The following OPCML variants were observed in gnomAD, a reference collection of about 807,000 sequenced individuals.
OPCML encodes the protein opioid binding protein/cell adhesion molecule like, also known as opioid-binding protein/cell adhesion molecule.
OPCML carries 13 observed loss-of-function variants against 37.8 expected under a neutral mutation model. That is an observed-to-expected ratio of 0.34 (90% CI 0.22 to 0.55). OPCML has a LOEUF of 0.55. Ranked by LOEUF, OPCML falls within the 20% of genes least tolerant of loss-of-function variation. OPCML has a pLI of 0.91. For missense variants in OPCML, 341 were observed against 435.6 expected (o/e 0.78, Z 1.93); for synonymous variants, 176 against 168.8 (o/e 1.04, Z -0.33).
At chr11:133,207,278 C>A (rs1012808366) in intron 1 of OPCML, among the ~76,000 whole-genome samples, 1 of 151,976 alleles carries the variant, frequency 6.6e-6, no homozygotes, top group Non-Finnish European at 1.5e-5. Context: ...CCAGCCTGGG[C>A]GACAGAGTGA....
chr11:133,150,923 C>G (rs1372119628), intron 1 of OPCML, among the ~76,000 whole-genome samples: 1 of 152,028 alleles, frequency 6.6e-6, no homozygotes, highest in Non-Finnish European at 1.5e-5. Context: ...GCCACATCCT[C>G]CCCTGCCCCG....
intron 1 of OPCML, among the ~76,000 whole-genome samples, chr11:133,287,991 C>T (rs1301546536): frequency 6.6e-6 from 1 of 152,156 alleles, no homozygotes; most frequent in African/African-American, 2.4e-5. Flanking sequence ...CTGGCTGATG[C>T]TAACTACATG....
chr11:133,138,930 T>C (rs754219996), intron 1 of OPCML, among the ~76,000 whole-genome samples: 38 of 152,328 alleles, frequency 2.5e-4, no homozygotes, highest in Non-Finnish European at 5.1e-4. Context: ...GGTCTTTCAT[T>C]GACATGAACC....
chr11:133,279,422 C>T (rs1942079628), intron 1 of OPCML, among the ~76,000 whole-genome samples: 1 of 152,192 alleles, frequency 6.6e-6, no homozygotes, highest in Admixed American at 6.5e-5. Flanking sequence ...CACAAATGGA[C>T]CTACAATCCA....
At chr11:132,867,787 C>T (rs1473341682) in intron 2 of OPCML, among the ~76,000 whole-genome samples, 1 of 152,136 alleles carries the variant, frequency 6.6e-6, no homozygotes, top group African/African-American at 2.4e-5. Flanking sequence ...AACACCTAAC[C>T]TATGTTTGAG....
At chr11:133,216,278 C>T (rs1464017994) in intron 1 of OPCML, among the ~76,000 whole-genome samples, 6 of 152,150 alleles carry the variant, frequency 3.9e-5, no homozygotes, top group Admixed American at 3.9e-4. Context: ...GTTTTATAAA[C>T]CCAAACAGAA....
At chr11:132,508,595 G>A (rs144342410) in intron 4 of OPCML, among the ~76,000 whole-genome samples, 1,956 of 152,252 alleles carry the variant, frequency 0.013, 26 homozygotes, top group South Asian at 0.036. Context: ...GGGACCCAGG[G>A]GGAGGTAATT....
chr11:133,377,743 A>G (rs1283120798), intron 1 of OPCML, among the ~76,000 whole-genome samples: 3 of 152,128 alleles, frequency 2.0e-5, no homozygotes, highest in Admixed American at 6.5e-5. Flanking sequence ...CACCTCAGGA[A>G]CACATGGTTC....
chr11:133,363,019 T>G (rs1205864218), intron 1 of OPCML, among the ~76,000 whole-genome samples: 10 of 152,114 alleles, frequency 6.6e-5, no homozygotes, highest in Non-Finnish European at 1.5e-5. Context: ...TAGGTAAGAT[T>G]CCCAGGACAC....
chr11:132,950,008 G>A (rs1310467131), intron 1 of OPCML, among the ~76,000 whole-genome samples: 25 of 152,194 alleles, frequency 1.6e-4, no homozygotes, highest in Admixed American at 1.6e-3. Context: ...GAAGGTTGGA[G>A]CTGAGCAAAC....
At chr11:133,038,158 G>A (rs1353985434) in intron 1 of OPCML, among the ~76,000 whole-genome samples, 1 of 152,234 alleles carries the variant, frequency 6.6e-6, no homozygotes, top group African/African-American at 2.4e-5. Context: ...TGCATGGGGA[G>A]AGCTCTGGGT....
intron 2 of OPCML, among the ~76,000 whole-genome samples, chr11:132,761,362 G>A (rs967517302): frequency 2.0e-5 from 3 of 151,760 alleles, no homozygotes; most frequent in Non-Finnish European, 4.4e-5. Context: ...TGTCTTGCTA[G>A]GTTGGGGAAG....
chr11:133,319,667 G>A (rs929542423), intron 1 of OPCML, among the ~76,000 whole-genome samples: 3 of 152,146 alleles, frequency 2.0e-5, no homozygotes, highest in Non-Finnish European at 4.4e-5. Context: ...CTGTAAGTCC[G>A]AGCCTGTCTA....
intron 2 of OPCML, among the ~76,000 whole-genome samples, chr11:132,856,590 G>A (rs1196202690): frequency 1.3e-5 from 2 of 152,178 alleles, no homozygotes; most frequent in East Asian, 1.9e-4. Context: ...CTCTCAGGAG[G>A]TGGACAAGCC....
At chr11:132,631,297 A>G (rs1185857009) in intron 3 of OPCML, among the ~76,000 whole-genome samples, 1 of 150,722 alleles carries the variant, frequency 6.6e-6, no homozygotes, top group Non-Finnish European at 1.5e-5. Flanking sequence ...TGCAAATTTT[A>G]TCTCAGTAAA....
At chr11:132,528,800 T>C (rs1055977739) in intron 4 of OPCML, among the ~76,000 whole-genome samples, 2 of 152,222 alleles carry the variant, frequency 1.3e-5, no homozygotes, top group African/African-American at 4.8e-5. Context: ...CATTGGAAGT[T>C]ATTCTTATGT....
At chr11:133,047,584 C>A (rs1948041314) in intron 1 of OPCML, among the ~76,000 whole-genome samples, 2 of 152,086 alleles carry the variant, frequency 1.3e-5, no homozygotes, top group South Asian at 4.1e-4. Context: ...CAGCTGAGGT[C>A]TCCCGCAGCT....
At chr11:133,345,724 A>T (rs1176736059) in intron 1 of OPCML, among the ~76,000 whole-genome samples, 1 of 152,148 alleles carries the variant, frequency 6.6e-6, no homozygotes, top group African/African-American at 2.4e-5. Context: ...CGATCTTCAG[A>T]TCCGTGAAGA....
rs368530103 is a variant in OPCML, at chr11:133,326,996, G to A, written c.61+205268C>T. Among the ~76,000 whole-genome samples, 363 of 140,544 alleles carry A rather than the reference G, an allele frequency of 2.6e-3. 1 individual carries two copies. The highest frequency in any genetic ancestry group is 8.9e-3 in the Middle Eastern group (2 of 224). 92.2% of individuals were successfully genotyped at this position (140,544 alleles called of 152,430 possible). A position where few individuals can be genotyped will look rare whatever the true frequency, so the allele number is the denominator to read the frequency against. On this transcript the variant is annotated intron_variant, in intron 1 of 7. Coordinates refer to ENST00000524381, the MANE Select transcript of OPCML (RefSeq NM_001012393.5). ...GGTGGTGTGTGTATGTGGGTGAGGG[G>A]GTGTGGGTGTATGGGGAGGGTGTGT...
Sources: gnomAD v4.1 joint callset for allele counts (sites outside exome capture counted in the v4.1 genomes callset) on GRCh38, gnomAD v4.1.1 for gene constraint, MANE v1.5 for transcripts, NCBI Gene and HGNC (gene_info 2026-07-23, HGNC 2026-07-21) for gene names.